ZBED4: variants seen among roughly 807,000 people sequenced by gnomAD.
ZBED4 encodes zinc finger BED-type containing 4.
A neutral mutation model predicts 15.5 loss-of-function variants in ZBED4; 4 were observed. That is an observed-to-expected ratio of 0.26 (90% CI 0.13 to 0.59). The LOEUF (loss-of-function observed/expected upper bound fraction) is 0.59. ZBED4 is among the 20% of genes least tolerant of loss of function. The pLI, the probability that ZBED4 is intolerant of heterozygous loss-of-function variation, is 0.90. For synonymous variants in ZBED4, 692 were observed against 608.5 expected, an observed-to-expected ratio of 1.14 and a Z score of -2.02; for missense variants, 1,323 against 1,461.8, an observed-to-expected ratio of 0.91 and a Z score of 1.55.
chr22:49,886,804 A>G lies in ZBED4; in HGVS notation c.3142A>G (p.Arg1048Gly), dbSNP rs761669133. 2 of 1,613,042 alleles carry G rather than the reference A, an allele frequency of 1.2e-6. No homozygotes were observed. The highest frequency in any genetic ancestry group is 1.3e-5 in the African/African-American group (1 of 74,982). ...STSEDVAASHRCDAGSPSKDS... is the reference protein window; with the variant it reads ...STSEDVAASHGCDAGSPSKDS... ...CTCAGAGGACGTGGCTGCCTCCCAC[A>G]GGTGTGATGCTGGCTCCCCGTCGAA... Residue 1048 changes from arginine (R) to glycine (G), a missense_variant, in exon 2 of 2, where the codon AGG (arginine) becomes GGG (glycine). By Grantham distance (125) the Arg-to-Gly change is moderately radical (BLOSUM62 -2). Around this residue, in one of 6 missense-constraint regions of ZBED4, gnomAD observed 312 missense variants for 410.7 expected, o/e 0.76. Coordinates refer to ENST00000216268, the MANE Select transcript of ZBED4 (RefSeq NM_014838.3). The surrounding 1 kb of genome is among the most constrained non-coding windows in gnomAD (Gnocchi z 7.7).
At chr22:49,871,718 T>C (rs927209452) in intron 1 of ZBED4, among the ~76,000 whole-genome samples, 1 of 151,344 alleles carries the variant, frequency 6.6e-6, no homozygotes, top group Non-Finnish European at 1.5e-5. Context: ...TGCAGATTGC[T>C]GAAGGGTGGG....
intron 1 of ZBED4, among the ~76,000 whole-genome samples, chr22:49,873,365 C>T (rs554753487): frequency 1.3e-5 from 2 of 152,202 alleles, no homozygotes; most frequent in East Asian, 1.9e-4. Context: ...GGGAGAGAGA[C>T]GGGGAACTGC....
chr22:49,889,087 C>T lies in ZBED4; in HGVS notation c.*1909C>T, dbSNP rs2060455091. 6.0e-6 allele frequency: 1 copy of T among 167,256 alleles called. No individual in the cohort carries two copies. The highest frequency in any genetic ancestry group is 6.5e-5 in the Admixed American group (1 of 15,290). 10.4% of individuals were successfully genotyped at this position (167,256 alleles called of 1,614,324 possible). A position where few individuals can be genotyped will look rare whatever the true frequency, so the allele number is the denominator to read the frequency against. ...TAACTGTAGCAGAATTGTATCCACT[C>T]ATTCATTCAACTGAGATGAAGTGCC... is the stretch of plus-strand genomic sequence containing the variant. On this transcript the variant is annotated 3_prime_UTR_variant, in exon 2 of 2. Transcript: ENST00000216268.
intron 1 of ZBED4, among the ~76,000 whole-genome samples, chr22:49,867,733 G>A (rs780997148): frequency 6.8e-5 from 10 of 147,498 alleles, no homozygotes; most frequent in Admixed American, 2.0e-4. Context: ...TACCATCTAG[G>A]CCTTGTAATA....
At chr22:49,857,043 C>T (rs1268867990) in intron 1 of ZBED4, among the ~76,000 whole-genome samples, 3 of 152,172 alleles carry the variant, frequency 2.0e-5, no homozygotes, top group Admixed American at 6.5e-5. Flanking sequence ...GGACCTGGCC[C>T]CCCGCCCTTC....
intron 1 of ZBED4, among the ~76,000 whole-genome samples, chr22:49,872,739 C>G (rs146229750): frequency 1.2e-3 from 176 of 151,592 alleles, no homozygotes; most frequent in African/African-American, 4.2e-3. Context: ...GAGACTCACT[C>G]CATCGCCCAG....
rs71196384 is a variant in ZBED4 at position 49,864,820 on chromosome 22, C to CA, written c.-330+10850dup. Among the ~76,000 whole-genome samples, 114 of 66,966 alleles carry CA rather than the reference C, an allele frequency of 1.7e-3. 8 individuals carry two copies. The highest frequency in any genetic ancestry group is 3.7e-3 in the African/African-American group (37 of 10,054). The allele number at this position is 66,966 out of a possible 152,430, so 43.9% of individuals were successfully genotyped here. A position where few individuals can be genotyped will look rare whatever the true frequency, so the allele number is the denominator to read the frequency against. ...GAGCGCCAGAGTGAGACCCTGTCTC[C>CA]AAAAAAAAAAAAAAAAAAAGCCCTG... On this transcript the variant is annotated intron_variant, in intron 1 of 1. Coordinates refer to ENST00000216268, the MANE Select transcript of ZBED4 (RefSeq NM_014838.3).
intron 1 of ZBED4, among the ~76,000 whole-genome samples, chr22:49,874,613 T>TCCAGCTGCCTTGGCCTC (rs1404746324): frequency 6.8e-6 from 1 of 146,456 alleles, no homozygotes; most frequent in Non-Finnish European, 1.5e-5. Context: ...GACCTCGTGA[T>TCCAGCTGCCTTGGCCTC]CCAGCTGCCT....
upstream of ZBED4, chr22:49,852,890 C>T (rs557301298): frequency 6.6e-6 from 1 of 152,438 alleles, no homozygotes; most frequent in East Asian, 1.9e-4. Flanking sequence ...GCATTCTTAG[C>T]TCAGGCACCA....
rs1285060094 is a variant in ZBED4, at chr22:49,887,317, A to G, written c.*139A>G. 4 of 911,280 alleles carry G rather than the reference A, an allele frequency of 4.4e-6. No homozygotes were observed. The highest frequency in any genetic ancestry group is 3.7e-5 in the South Asian group (2 of 54,098). 56.4% of individuals were successfully genotyped at this position (911,280 alleles called of 1,614,324 possible). A position where few individuals can be genotyped will look rare whatever the true frequency, so the allele number is the denominator to read the frequency against. On this transcript the variant is annotated 3_prime_UTR_variant, in exon 2 of 2. Transcript: ENST00000216268. ...TCAGGGCCGCTCTCCAGCTCACCACAGTGTCTCCACGTGCCTTACCCCTTC... is the reference window on the plus strand; with the variant it reads ...TCAGGGCCGCTCTCCAGCTCACCACGGTGTCTCCACGTGCCTTACCCCTTC...
At chr22:49,857,409 C>G (rs2060279107) in intron 1 of ZBED4, among the ~76,000 whole-genome samples, 1 of 152,220 alleles carries the variant, frequency 6.6e-6, no homozygotes, top group African/African-American at 2.4e-5. Flanking sequence ...TGACCCAGAA[C>G]ATTTCAGGGA....
chr22:49,883,454 C>G lies in ZBED4; in HGVS notation c.-209C>G, dbSNP rs2060419825. On this transcript the variant is annotated 5_prime_UTR_variant, in exon 2 of 2. Coordinates refer to ENST00000216268, the MANE Select transcript of ZBED4 (RefSeq NM_014838.3). ...ACACCATGAGTGTTTAGTAGCAGGA[C>G]TCTTGGAAAGCAGTGATCTATGCTG... 5.1e-6 allele frequency: 3 copies of G among 591,294 alleles called. No individual in the cohort carries two copies. The highest frequency in any genetic ancestry group is 8.0e-6 in the Non-Finnish European group (3 of 377,168). 36.6% of individuals were successfully genotyped at this position (591,294 alleles called of 1,614,324 possible). A position where few individuals can be genotyped will look rare whatever the true frequency, so the allele number is the denominator to read the frequency against.
chr22:49,883,430 C>A lies in ZBED4; in HGVS notation c.-233C>A. On this transcript the variant is annotated 5_prime_UTR_variant, in exon 2 of 2. Transcript: ENST00000216268. ...TCTCTGCTGCACACATTGTTGTCTA[C>A]ACCATGAGTGTTTAGTAGCAGGACT... is the stretch of plus-strand genomic sequence containing the variant. The A allele has an allele frequency of 2.1e-6, 1 of 466,886 alleles. No homozygotes were observed. Among genetic ancestry groups the A allele is most frequent in the Non-Finnish European group, 3.6e-6 (1 of 276,416 alleles). The allele number at this position is 466,886 out of a possible 1,614,324, so 28.9% of individuals were successfully genotyped here. A position where few individuals can be genotyped will look rare whatever the true frequency, so the allele number is the denominator to read the frequency against.
chr22:49,871,529 G>A (rs938148408), intron 1 of ZBED4, among the ~76,000 whole-genome samples: 1 of 151,990 alleles, frequency 6.6e-6, no homozygotes, highest in African/African-American at 2.4e-5. Flanking sequence ...AGTCTGGTAA[G>A]CGTGCAATAG....
Position 49,883,686 on chromosome 22 carries a change from T to C in ZBED4, c.24T>C (p.Cys8=). The part of the protein sequence containing the change: MENNLKT[C]PKEDGDFVSD... ...TCATGGAGAATAACTTGAAAACTTG[T>C]CCCAAAGAGGACGGTGATTTCGTTT... is the stretch of plus-strand genomic sequence containing the variant. The change falls in exon 2 of 2, where the codon TGT becomes TGC. Residue 8 remains cysteine, a synonymous_variant. Coordinates refer to ENST00000216268, the MANE Select transcript of ZBED4 (RefSeq NM_014838.3). 6.3e-7 allele frequency: 1 copy of C among 1,591,564 alleles called. No individual in the cohort carries two copies. The highest frequency in any genetic ancestry group is 8.6e-7 in the Non-Finnish European group (1 of 1,164,664).
Position 49,855,822 on chromosome 22 carries a change from C to T in ZBED4, c.-330+1833C>T, listed in dbSNP as rs553739190. ...GCCCAGCCCTGGGGTAGAGGCCAAG[C>T]TGGCCCTTCCTTACCAACGTTGTTT... On this transcript the variant is annotated intron_variant, in intron 1 of 1. Transcript: ENST00000216268. Among the ~76,000 whole-genome samples, 10 of 152,194 alleles carry T rather than the reference C, an allele frequency of 6.6e-5. No individual in the cohort carries two copies. In the South Asian group the frequency reaches 8.3e-4, roughly 13 times the overall value.
intron 1 of ZBED4, among the ~76,000 whole-genome samples, chr22:49,859,698 A>G (rs1164859225): frequency 6.6e-6 from 1 of 152,248 alleles, no homozygotes; most frequent in African/African-American, 2.4e-5. Context: ...GTCAATTTGA[A>G]TTATAGTTAA....
In ZBED4 at chr22:49,879,188, A is replaced by G. The variant is rs918399853; in HGVS notation, c.-329-4146A>G. On this transcript the variant is annotated intron_variant, in intron 1 of 1. Transcript: ENST00000216268. ...AAAAAAAACAGGAGTGAAGTGGCGC[A>G]ATCTCGGCTCACTGTAACTTGCGCC... Among the ~76,000 whole-genome samples, 6 of 149,120 alleles carry G rather than the reference A, an allele frequency of 4.0e-5. No individual in the cohort carries two copies. The East Asian group carries it at 1.0e-3, about 25-fold the overall frequency.
chr22:49,872,153 T>TAGTCAATCCTC (rs1029964673), intron 1 of ZBED4, among the ~76,000 whole-genome samples: 3 of 152,238 alleles, frequency 2.0e-5, no homozygotes, highest in African/African-American at 7.2e-5. Flanking sequence ...TTCAAAATTG[T>TAGTCAATCCTC]AGTCAATCCT....
Sources: allele counts gnomAD v4.1 joint callset (sites outside exome capture counted in the v4.1 genomes callset), GRCh38; gene constraint gnomAD v4.1.1; regional missense constraint gnomAD v4.1.1; non-coding constraint Gnocchi (gnomAD v3.1); transcripts MANE v1.5; gene names NCBI Gene and HGNC (gene_info 2026-07-23, HGNC 2026-07-21).